The following CLEC19A variants were observed in gnomAD, a reference collection of about 807,000 sequenced individuals.
CLEC19A encodes C-type lectin domain family 19 member A.
A neutral mutation model predicts 26.1 loss-of-function variants in CLEC19A; 21 were observed. That is an observed-to-expected ratio of 0.80 (90% CI 0.57 to 1.16). The LOEUF is 1.16. Ranked by LOEUF, CLEC19A falls within the 50% of genes most tolerant of loss-of-function variation. CLEC19A has a pLI of 0.00. For synonymous variants in CLEC19A, 89 were observed against 88.6 expected (o/e 1.00, Z -0.03); for missense variants, 224 against 227.6 (o/e 0.98, Z 0.10).
rs529499307 is a variant in CLEC19A at position 19,309,841 on chromosome 16, A to C, written c.*758A>C. 1 of 151,896 alleles carries C rather than the reference A, an allele frequency of 6.6e-6. No homozygotes were observed. The highest frequency in any genetic ancestry group is 2.4e-5 in the African/African-American group (1 of 41,408). 9.4% of individuals were successfully genotyped at this position (151,896 alleles called of 1,614,324 possible). ...TTTTTTTAAATAGAGACGAGGTTTC[A>C]TCATGTCATCCAAGCTGGTTTCGAA... On this transcript the variant is annotated 3_prime_UTR_variant, in exon 5 of 5. Coordinates refer to ENST00000636231, the MANE Select transcript of CLEC19A (RefSeq NM_001256720.2).
At chr16:19,296,847 G>A (rs1482314016) in intron 1 of CLEC19A, among the ~76,000 whole-genome samples, 1 of 152,162 alleles carries the variant, frequency 6.6e-6, no homozygotes, top group Non-Finnish European at 1.5e-5. Context: ...CCCCTGAGTG[G>A]ATGGCTACAA....
chr16:19,287,084 C>A (rs1897488282), intron 1 of CLEC19A, among the ~76,000 whole-genome samples: 1 of 146,092 alleles, frequency 6.8e-6, no homozygotes, highest in Non-Finnish European at 1.5e-5. Context: ...ATAGTCTTAG[C>A]TCATTTGGGC....
intron 2 of CLEC19A, among the ~76,000 whole-genome samples, chr16:19,299,172 T>A (rs926605256): frequency 6.6e-6 from 1 of 152,204 alleles, no homozygotes; most frequent in Non-Finnish European, 1.5e-5. Flanking sequence ...TGCCAGAAGA[T>A]CCACCTTTAT....
intron 3 of CLEC19A, among the ~76,000 whole-genome samples, chr16:19,306,890 T>C (rs1897968395): frequency 6.6e-6 from 1 of 152,196 alleles, no homozygotes; most frequent in South Asian, 2.1e-4. Flanking sequence ...GGCTCCATAA[T>C]TATCAGTGCT....
At chr16:19,292,922 G>A (rs1897620383) in intron 1 of CLEC19A, among the ~76,000 whole-genome samples, 1 of 152,210 alleles carries the variant, frequency 6.6e-6, no homozygotes, top group African/African-American at 2.4e-5. Flanking sequence ...TCAGGGAAAT[G>A]AGGTCAGGCT....
intron 1 of CLEC19A, 113 bp from the exon 2 acceptor site, chr16:19,298,558 CCT>C: frequency 9.0e-7 from 1 of 1,113,082 alleles, no homozygotes; most frequent in Non-Finnish European, 1.3e-6. Flanking sequence ...AGAACGAGAC[CCT>C]GTCTCTTAAA....
At chr16:19,288,511 G>A (rs1897518473) in intron 1 of CLEC19A, among the ~76,000 whole-genome samples, 1 of 151,988 alleles carries the variant, frequency 6.6e-6, no homozygotes, top group Non-Finnish European at 1.5e-5. Context: ...CCCACCCCTT[G>A]CATATGCAAA....
intron 1 of CLEC19A, among the ~76,000 whole-genome samples, chr16:19,294,163 A>G (rs927786059): frequency 3.9e-5 from 6 of 152,058 alleles, no homozygotes; most frequent in Non-Finnish European, 8.8e-5. Flanking sequence ...TTAAAAAAAA[A>G]AAGAGGTAGA....
At position 19,309,046 on chromosome 16, in the gene CLEC19A, C is replaced by T; in HGVS notation, c.524C>T (p.Pro175Leu). 2 of 1,548,292 alleles carry T rather than the reference C, an allele frequency of 1.3e-6. No homozygotes were observed. The highest frequency in any genetic ancestry group is 1.7e-6 in the Non-Finnish European group (2 of 1,146,756). ...WNDNTCSRKF[P>L]FVCKIPSLTI... Reference sequence around the variant, plus strand: ...GATAACACCTGCAGCCGGAAGTTCCCCTTTGTCTGCAAAATCCCATCTCTG... The same window carrying T: ...GATAACACCTGCAGCCGGAAGTTCCTCTTTGTCTGCAAAATCCCATCTCTG... The change falls in exon 5 of 5, where the codon CCC becomes CTC. Residue 175 changes from proline (P) to leucine (L), a missense_variant. Physicochemically the swap from Pro to Leu is moderately conservative, Grantham distance 98 (BLOSUM62 -3). Transcript: ENST00000636231.
At chr16:19,288,302 T>A (rs1450289526) in intron 1 of CLEC19A, among the ~76,000 whole-genome samples, 1 of 152,064 alleles carries the variant, frequency 6.6e-6, no homozygotes, top group African/African-American at 2.4e-5. Flanking sequence ...GGAGCGTGTG[T>A]GTTGGTATGT....
At chr16:19,306,396 C>G (rs909931354) in intron 3 of CLEC19A, among the ~76,000 whole-genome samples, 1 of 152,074 alleles carries the variant, frequency 6.6e-6, no homozygotes, top group African/African-American at 2.4e-5. Flanking sequence ...ATCCTCCCAC[C>G]TCAGCCTCAC....
intron 4 of CLEC19A, among the ~76,000 whole-genome samples, chr16:19,308,658 C>A (rs995160187): frequency 6.6e-6 from 1 of 152,168 alleles, no homozygotes; most frequent in African/African-American, 2.4e-5. Flanking sequence ...AACTCCAGAC[C>A]CAGACACTTA....
chr16:19,305,703 T>C (rs1745040171), intron 3 of CLEC19A, among the ~76,000 whole-genome samples: 1 of 152,190 alleles, frequency 6.6e-6, no homozygotes, highest in Non-Finnish European at 1.5e-5. Context: ...GAAAAATAAG[T>C]GAGCTAATGC....
chr16:19,294,459 A>T (rs935388875), intron 1 of CLEC19A, among the ~76,000 whole-genome samples: 2 of 152,240 alleles, frequency 1.3e-5, no homozygotes, highest in African/African-American at 4.8e-5. Context: ...GGGAAGTCAG[A>T]GCTATCTGAA....
intron 2 of CLEC19A, among the ~76,000 whole-genome samples, chr16:19,301,747 T>G (rs1156445654): frequency 5.8e-5 from 7 of 120,016 alleles, no homozygotes; most frequent in East Asian, 4.3e-4. Flanking sequence ...TTTTTTTTTT[T>G]TTTTTTTTTT....
chr16:19,287,737 C>T (rs1897503248), intron 1 of CLEC19A, among the ~76,000 whole-genome samples: 1 of 152,198 alleles, frequency 6.6e-6, no homozygotes, highest in South Asian at 2.1e-4. Flanking sequence ...GTTTCCTCAC[C>T]TCTCTGAGCC....
intron 2 of CLEC19A, among the ~76,000 whole-genome samples, chr16:19,301,576 A>C (rs561738834): frequency 6.6e-6 from 1 of 151,970 alleles, no homozygotes; most frequent in Non-Finnish European, 1.5e-5. Context: ...TTATTTATTT[A>C]TTTATTTAGA....
At chr16:19,301,564 CTTTATTTA>C (rs963595933) in intron 2 of CLEC19A, among the ~76,000 whole-genome samples, 1 of 151,734 alleles carries the variant, frequency 6.6e-6, no homozygotes, top group Admixed American at 6.6e-5. Context: ...TCACACTGAT[CTTTATTTA>C]TTTATTTATT....
rs1337870646 is a variant in CLEC19A, at chr16:19,304,108, C to G, written c.301C>G (p.Pro101Ala). The stretch of plus-strand genomic sequence containing the variant: ...ATATGACCTCGTGAACAGCTGTGTT[C>G]CCGGCATCCCAGCTGACGTCTGGAC... ...FVYDLVNSCV[P>A]GIPADVWTGL... The change falls in exon 3 of 5, where the codon CCC becomes GCC. Residue 101 changes from proline (P) to alanine (A), a missense_variant. By Grantham distance (27) the Pro-to-Ala change is conservative. Coordinates refer to ENST00000636231, the MANE Select transcript of CLEC19A (RefSeq NM_001256720.2). The G allele has an allele frequency of 3.9e-6, 6 of 1,550,424 alleles. No homozygotes were observed. The Admixed American group carries it at 1.2e-4, about 30-fold the overall frequency.
Sources: gnomAD v4.1 joint callset for allele counts (sites outside exome capture counted in the v4.1 genomes callset) on GRCh38, gnomAD v4.1.1 for gene constraint, MANE v1.5 for transcripts, NCBI Gene and HGNC (gene_info 2026-07-23, HGNC 2026-07-21) for gene names.